The following ADIPOR2 variants were observed in gnomAD, a reference collection of about 807,000 sequenced individuals.
ADIPOR2 encodes the protein adiponectin receptor protein 2.
ADIPOR2 carries 18 observed loss-of-function variants against 40.9 expected under a neutral mutation model. The ratio of observed to expected loss-of-function variants is 0.44; its 90% CI spans 0.30 to 0.65. The LOEUF (loss-of-function observed/expected upper bound fraction) is 0.65. ADIPOR2 is among the 30% of genes least tolerant of loss of function. The pLI is 0.09. For synonymous variants in ADIPOR2, 165 were observed against 166.4 expected, an observed-to-expected ratio of 0.99 and a Z score of 0.06; for missense variants, 283 against 479.2, an observed-to-expected ratio of 0.59 and a Z score of 3.82.
chr12:1,691,577 CTT>C (rs1371554002), intron 1 of ADIPOR2, among the ~76,000 whole-genome samples: 1 of 152,228 alleles, frequency 6.6e-6, no homozygotes, highest in South Asian at 2.1e-4. Flanking sequence ...CTCTTCGTCT[CTT>C]GTCTGTTTTT....
intron 6 of ADIPOR2, among the ~76,000 whole-genome samples, chr12:1,782,468 C>G (rs1327737772): frequency 2.0e-5 from 3 of 152,172 alleles, no homozygotes; most frequent in Non-Finnish European, 4.4e-5. Context: ...GTTGCTTTGG[C>G]TGATACACGG....
intron 1 of ADIPOR2, among the ~76,000 whole-genome samples, chr12:1,749,034 C>G (rs1264841822): frequency 6.6e-6 from 1 of 152,198 alleles, no homozygotes; most frequent in African/African-American, 2.4e-5. Context: ...ATGGCCCCCT[C>G]TTTGGGTTCA....
intron 7 of ADIPOR2, among the ~76,000 whole-genome samples, chr12:1,784,365 A>G (rs1002475705): frequency 5.3e-5 from 8 of 152,230 alleles, no homozygotes; most frequent in African/African-American, 1.4e-4. Context: ...ACAAAGCAGG[A>G]GACTAAGGCT....
At chr12:1,693,623 TC>T (rs1285543874) in intron 1 of ADIPOR2, among the ~76,000 whole-genome samples, 4 of 151,826 alleles carry the variant, frequency 2.6e-5, no homozygotes, top group African/African-American at 9.7e-5. Flanking sequence ...AACCTCTGCC[TC>T]CTGGGTTCAA....
At chr12:1,712,958 C>T (rs1013806728) in intron 1 of ADIPOR2, among the ~76,000 whole-genome samples, 2 of 152,082 alleles carry the variant, frequency 1.3e-5, no homozygotes, top group Non-Finnish European at 2.9e-5. Context: ...TTCAAGAGAT[C>T]TCGAGTAGCT....
At chr12:1,732,244 A>G (rs2094721939) in intron 1 of ADIPOR2, among the ~76,000 whole-genome samples, 1 of 152,226 alleles carries the variant, frequency 6.6e-6, no homozygotes, top group African/African-American at 2.4e-5. Context: ...GTTTTGACAC[A>G]TGTATGAAAG....
At chr12:1,707,333 A>G (rs2094665570) in intron 1 of ADIPOR2, among the ~76,000 whole-genome samples, 1 of 152,112 alleles carries the variant, frequency 6.6e-6, no homozygotes. Flanking sequence ...TTAATAAGTT[A>G]AACAGTTTTT....
rs557070740 is a variant in ADIPOR2 at position 1,716,314 on chromosome 12, T to C, written c.-87+25123T>C. Among the ~76,000 whole-genome samples the C allele has an allele frequency of 7.2e-4, 110 of 152,350 alleles. 1 individual carries two copies. Among genetic ancestry groups the C allele is most frequent in the African/African-American group, 2.3e-3 (97 of 41,582 alleles). Reference sequence around the variant, plus strand: ...TGAAGATGGTTTATTGCCTTTTATATCATCTTTTGGATTTGTGATAAAGAC... The same window carrying C: ...TGAAGATGGTTTATTGCCTTTTATACCATCTTTTGGATTTGTGATAAAGAC... On this transcript the variant is annotated intron_variant, in intron 1 of 7. Transcript: ENST00000357103.
intron 1 of ADIPOR2, chr12:1,696,245 A>G (rs575027783): frequency 6.5e-6 from 1 of 153,318 alleles, no homozygotes; most frequent in Admixed American, 6.5e-5. Context: ...TCACTCCTCC[A>G]TGGGTGCTGT....
intron 1 of ADIPOR2, among the ~76,000 whole-genome samples, chr12:1,692,848 C>G (rs2094629924): frequency 6.6e-6 from 1 of 152,040 alleles, no homozygotes; most frequent in South Asian, 2.1e-4. Flanking sequence ...CCAGTTGCCT[C>G]TTTTTGTAAA....
intron 4 of ADIPOR2, among the ~76,000 whole-genome samples, chr12:1,778,961 T>C (rs1236176524): frequency 2.0e-5 from 3 of 152,208 alleles, no homozygotes; most frequent in Admixed American, 6.5e-5. Context: ...AATCAAATGC[T>C]TTGAGAAATG....
chr12:1,755,292 A>T (rs1450574906), intron 2 of ADIPOR2, among the ~76,000 whole-genome samples: 3 of 151,872 alleles, frequency 2.0e-5, no homozygotes, highest in African/African-American at 7.3e-5. Flanking sequence ...GTTGGCCAGG[A>T]TGGTCTCCAT....
intron 1 of ADIPOR2, among the ~76,000 whole-genome samples, chr12:1,741,707 T>C (rs1592602994): frequency 6.6e-6 from 1 of 152,216 alleles, no homozygotes; most frequent in Non-Finnish European, 1.5e-5. Flanking sequence ...AGAATGCCTT[T>C]GGGACACATA....
chr12:1,748,943 G>C (rs917596044), intron 1 of ADIPOR2, among the ~76,000 whole-genome samples: 1 of 151,992 alleles, frequency 6.6e-6, no homozygotes, highest in African/African-American at 2.4e-5. Context: ...CCGTACCTAA[G>C]ACTACTCCCC....
chr12:1,757,137 A>C (rs1862150051), intron 2 of ADIPOR2: 2 of 264,952 alleles, frequency 7.5e-6, no homozygotes, highest in South Asian at 1.6e-4. Context: ...CAGGCTAGCC[A>C]ATTTGAGATT....
intron 6 of ADIPOR2, among the ~76,000 whole-genome samples, chr12:1,782,650 A>T (rs1011230232): frequency 1.3e-5 from 2 of 152,188 alleles, no homozygotes; most frequent in African/African-American, 4.8e-5. Context: ...GATATTTTAA[A>T]TTTTATTCTA....
chr12:1,742,488 G>T (rs2154442966), intron 1 of ADIPOR2, among the ~76,000 whole-genome samples: 1 of 152,300 alleles, frequency 6.6e-6, no homozygotes, highest in East Asian at 1.9e-4. Context: ...AAGAGCGAGA[G>T]CATTCAGAGA....
chr12:1,769,210 G>A (rs7138701), intron 2 of ADIPOR2, among the ~76,000 whole-genome samples: 10,032 of 152,188 alleles, frequency 0.066, 867 homozygotes, highest in African/African-American at 0.19. Flanking sequence ...TAAATATAGC[G>A]TCTAGCATAG....
chr12:1,718,155 C>T (rs1482060769), intron 1 of ADIPOR2, among the ~76,000 whole-genome samples: 1 of 152,040 alleles, frequency 6.6e-6, no homozygotes, highest in Non-Finnish European at 1.5e-5. Flanking sequence ...AAAATGTAGG[C>T]TTAAAAAAAT....
Sources: gnomAD v4.1 joint callset for allele counts (sites outside exome capture counted in the v4.1 genomes callset) on GRCh38, gnomAD v4.1.1 for gene constraint, MANE v1.5 for transcripts, NCBI Gene and HGNC (gene_info 2026-07-23, HGNC 2026-07-21) for gene names.